KIAA1217: variants seen among roughly 807,000 people sequenced by gnomAD.
The protein encoded by KIAA1217 is sickle tail protein homolog.
KIAA1217 carries 88 observed loss-of-function variants against 163.9 expected under a neutral mutation model. The ratio of observed to expected loss-of-function variants is 0.54; its 90% confidence interval spans 0.45 to 0.64. The LOEUF (loss-of-function observed/expected upper bound fraction) is 0.64, where lower values mean the gene tolerates loss of function less well. KIAA1217 is among the 30% of genes least tolerant of loss of function. The probability of loss-of-function intolerance (pLI) is 0.00; values close to 1 mark genes in which losing one functional copy is unlikely to be tolerated. For missense variants in KIAA1217, 2,372 were observed against 2,475.0 expected, an observed-to-expected ratio of 0.96 and a Z score of 0.88; for synonymous variants, 903 against 923.1, an observed-to-expected ratio of 0.98 and a Z score of 0.39.
intron 5 of KIAA1217, among the ~76,000 whole-genome samples, chr10:24,457,356 G>GTC (rs1242484073): frequency 1.6e-4 from 25 of 151,852 alleles, no homozygotes; most frequent in Non-Finnish European, 2.2e-4. Flanking sequence ...GTGTGTGTGT[G>GTC]TGTGTGTATG....
At chr10:23,977,364 T>C (rs1024185340) in intron 1 of KIAA1217, among the ~76,000 whole-genome samples, 3 of 152,172 alleles carry the variant, frequency 2.0e-5, no homozygotes, top group African/African-American at 4.8e-5. Flanking sequence ...ATTACCTTCA[T>C]GTTATACATG....
intron 1 of KIAA1217, among the ~76,000 whole-genome samples, chr10:23,864,658 G>T (rs112640472): frequency 0.011 from 1,606 of 151,938 alleles, 14 homozygotes; most frequent in Non-Finnish European, 0.016. Flanking sequence ...GCTTTTGTTT[G>T]TCTGTAGCAC....
At chr10:23,705,833 T>C (rs1158342456) in intron 1 of KIAA1217, among the ~76,000 whole-genome samples, 3 of 152,154 alleles carry the variant, frequency 2.0e-5, no homozygotes, top group Non-Finnish European at 2.9e-5. Flanking sequence ...TGGTGTTTAG[T>C]CTATAGATCA....
At chr10:23,853,683 A>G (rs1321191503) in intron 1 of KIAA1217, among the ~76,000 whole-genome samples, 1 of 152,176 alleles carries the variant, frequency 6.6e-6, no homozygotes, top group African/African-American at 2.4e-5. Flanking sequence ...TTATTGCCAC[A>G]ATTTCAGAGC....
At chr10:24,390,236 C>A (rs2054669289) in intron 3 of KIAA1217, among the ~76,000 whole-genome samples, 1 of 151,996 alleles carries the variant, frequency 6.6e-6, no homozygotes, top group African/African-American at 2.4e-5. Context: ...AGGACAAGTG[C>A]TGGAGGGTAT....
At chr10:23,744,621 C>T (rs911236700) in intron 1 of KIAA1217, among the ~76,000 whole-genome samples, 2 of 152,168 alleles carry the variant, frequency 1.3e-5, no homozygotes, top group Admixed American at 6.5e-5. Context: ...GAAATGATTA[C>T]GGAAGGTTAT....
At chr10:24,068,012 A>G (rs1048615770) in intron 2 of KIAA1217, among the ~76,000 whole-genome samples, 3 of 152,202 alleles carry the variant, frequency 2.0e-5, no homozygotes, top group Admixed American at 6.5e-5. Flanking sequence ...TTAGGGTGGG[A>G]GTAACCCAAT....
intron 2 of KIAA1217, among the ~76,000 whole-genome samples, chr10:24,145,085 G>C (rs959561883): frequency 3.9e-5 from 6 of 152,198 alleles, no homozygotes; most frequent in African/African-American, 1.4e-4. Context: ...AATTCTTAAA[G>C]GTCCTGTTTC....
At chr10:23,831,685 T>C (rs1172653686) in intron 1 of KIAA1217, among the ~76,000 whole-genome samples, 1 of 152,136 alleles carries the variant, frequency 6.6e-6, no homozygotes, top group Non-Finnish European at 1.5e-5. Context: ...CCCCTAACCA[T>C]ATCTTGATCT....
intron 3 of KIAA1217, among the ~76,000 whole-genome samples, chr10:24,386,166 C>G (rs1459644884): frequency 2.0e-5 from 3 of 152,210 alleles, no homozygotes; most frequent in Non-Finnish European, 4.4e-5. Context: ...GCCCGGCAGC[C>G]AGAGGAGTTC....
intron 2 of KIAA1217, among the ~76,000 whole-genome samples, chr10:24,044,222 G>A (rs1046953706): frequency 2.6e-5 from 4 of 152,042 alleles, no homozygotes; most frequent in South Asian, 2.1e-4. Context: ...TTGGCAAATC[G>A]GACTATGAGT....
chr10:23,749,441 TTCTATCA>T, intron 1 of KIAA1217, among the ~76,000 whole-genome samples: 1 of 152,258 alleles, frequency 6.6e-6, no homozygotes, highest in South Asian at 2.1e-4. Flanking sequence ...GAGACAGAGT[TTCTATCA>T]CCAGGTTGGA....
intron 2 of KIAA1217, among the ~76,000 whole-genome samples, chr10:24,172,642 C>CTATA (rs2065685314): frequency 6.6e-6 from 1 of 152,180 alleles, no homozygotes; most frequent in Non-Finnish European, 1.5e-5. Flanking sequence ...CATCATAAGA[C>CTATA]TATATAGGTG....
chr10:24,516,918 G>C (rs2070270263), intron 10 of KIAA1217, among the ~76,000 whole-genome samples: 2 of 152,146 alleles, frequency 1.3e-5, no homozygotes. Flanking sequence ...CCAGCACTTT[G>C]GGAGGCTGAG....
In KIAA1217 at chr10:23,974,883, T is replaced by TCC. The variant is rs35198034; in HGVS notation, c.-320-32334_-320-32333dup. Among the ~76,000 whole-genome samples, 1,093 of 149,552 alleles carry TCC rather than the reference T, an allele frequency of 7.3e-3. 18 individuals are homozygous for TCC. Among genetic ancestry groups the TCC allele is most frequent in the African/African-American group, 0.023 (943 of 40,726 alleles). On this transcript the variant is annotated intron_variant, in intron 1 of 18. Transcript: ENST00000376462. ...TACTCATAAGGGTAATGATTATCCT[T>TCC]CCCCCCCCCATAGATAGGCATCTGC... is the stretch of plus-strand genomic sequence containing the variant.
At position 24,250,621 on chromosome 10, in the gene KIAA1217, T is replaced by TTTTTTTTG. The variant is rs1434959136; in HGVS notation, c.354+30712_354+30713insTTTTTTTG. On this transcript the variant is annotated intron_variant, in intron 2 of 20. Transcript: ENST00000376454. ...CTAATTTTTTTTTTTTTTGTATTGT[T>TTTTTTTTG]AATAGAGACGGAGTTTCGCCATGAT... Among the ~76,000 whole-genome samples, 61 of 50,712 alleles carry TTTTTTTTG rather than the reference T, an allele frequency of 1.2e-3. 7 individuals carry two copies. The highest frequency in any genetic ancestry group is 0.014 in the Middle Eastern group (1 of 74). The allele number at this position is 50,712 out of a possible 152,430, so 33.3% of individuals were successfully genotyped here. A position where few individuals can be genotyped will look rare whatever the true frequency, so the allele number is the denominator to read the frequency against.
At chr10:24,195,903 A>C (rs2066962257) in intron 2 of KIAA1217, among the ~76,000 whole-genome samples, 1 of 152,146 alleles carries the variant, frequency 6.6e-6, no homozygotes, top group Non-Finnish European at 1.5e-5. Flanking sequence ...CTGAGGCAGG[A>C]GGATCGCTTG....
At chr10:24,010,433 A>G (rs912328408) in intron 2 of KIAA1217, among the ~76,000 whole-genome samples, 3 of 152,074 alleles carry the variant, frequency 2.0e-5, no homozygotes, top group African/African-American at 7.2e-5. Flanking sequence ...TTTAAAATAA[A>G]AAGTTTTTTG....
intron 2 of KIAA1217, among the ~76,000 whole-genome samples, chr10:24,185,566 G>T (rs1472437454): frequency 1.3e-5 from 2 of 152,064 alleles, no homozygotes; most frequent in African/African-American, 4.8e-5. Flanking sequence ...AGGCTGAGGT[G>T]GACGGATTAC....
Sources: gnomAD v4.1 joint callset for allele counts (sites outside exome capture counted in the v4.1 genomes callset) on GRCh38, gnomAD v4.1.1 for gene constraint, MANE v1.5 for transcripts, NCBI Gene and HGNC (gene_info 2026-07-23, HGNC 2026-07-21) for gene names.